The following RBFOX1 variants were observed in gnomAD, a reference collection of about 807,000 sequenced individuals.
RBFOX1 encodes RNA binding protein fox-1 homolog 1.
In RBFOX1, 8 loss-of-function variants were observed where a neutral mutation model predicts 57.7. That is an observed-to-expected ratio of 0.14 (90% confidence interval 0.08 to 0.25). The LOEUF is 0.25. RBFOX1 is among the 10% of genes least tolerant of loss of function. RBFOX1 has a pLI of 1.00. For missense variants in RBFOX1, 611 were observed against 548.5 expected (o/e 1.11, Z -1.14); for synonymous variants, 326 against 222.4 (o/e 1.47, Z -4.15).
chr16:6,977,967 C>A (rs528809367), intron 3 of RBFOX1, among the ~76,000 whole-genome samples: 1 of 128,922 alleles, frequency 7.8e-6, no homozygotes, highest in Non-Finnish European at 1.7e-5. Flanking sequence ...ACCTCCTTTC[C>A]CAATGTGGCT....
intron 4 of RBFOX1, among the ~76,000 whole-genome samples, chr16:7,266,263 C>G (rs1469646562): frequency 2.0e-5 from 3 of 152,026 alleles, no homozygotes; most frequent in African/African-American, 7.2e-5. Flanking sequence ...GTGTGAGCCA[C>G]CGTGCCCGGC....
chr16:6,631,388 C>A (rs960065676), intron 2 of RBFOX1, among the ~76,000 whole-genome samples: 2 of 151,718 alleles, frequency 1.3e-5, no homozygotes, highest in African/African-American at 2.4e-5. Flanking sequence ...TTTTAGAAAA[C>A]ACTTTTTATT....
At position 6,821,554 on chromosome 16, in the gene RBFOX1, C is replaced by G. The variant is rs185778027; in HGVS notation, c.-16+166904C>G. Among the ~76,000 whole-genome samples, 346 of 152,270 alleles carry G rather than the reference C, an allele frequency of 2.3e-3. 1 individual carries two copies. The highest frequency in any genetic ancestry group is 0.01 in the Middle Eastern group (3 of 294). ...CCTATTAATCAGATGCTTTTCATTT[C>G]TCTCTCCCCCCAACCGCTGGTAACC... On this transcript the variant is annotated intron_variant, in intron 3 of 15. Coordinates refer to ENST00000550418, the MANE Select transcript of RBFOX1 (RefSeq NM_018723.4).
intron 1 of RBFOX1, among the ~76,000 whole-genome samples, chr16:6,085,383 C>T (rs147832571): frequency 1.3e-5 from 2 of 152,316 alleles, no homozygotes; most frequent in East Asian, 3.9e-4. Context: ...AGCGATTCTC[C>T]TGCCTCAGCC....
chr16:6,953,086 A>C lies in RBFOX1; in HGVS notation c.-15-98971A>C, dbSNP rs13337823. 8.8e-3 allele frequency among the ~76,000 whole-genome samples: 1,336 copies of C among 152,302 alleles called. 20 individuals carry two copies. Among genetic ancestry groups the C allele is most frequent in the African/African-American group, 0.031 (1,280 of 41,544 alleles). ...GGTGGCGAAACCAAGCCACAAATACAAAAACAAAGAAGGCTTGAAGGTCTG... is the reference window on the plus strand; with the variant it reads ...GGTGGCGAAACCAAGCCACAAATACCAAAACAAAGAAGGCTTGAAGGTCTG... On this transcript the variant is annotated intron_variant, in intron 3 of 15. Coordinates refer to ENST00000550418, the MANE Select transcript of RBFOX1 (RefSeq NM_018723.4).
At chr16:7,419,318 G>C (rs1170657572) in intron 4 of RBFOX1, among the ~76,000 whole-genome samples, 2 of 152,112 alleles carry the variant, frequency 1.3e-5, no homozygotes, top group African/African-American at 4.8e-5. Context: ...ACTCCCCTTA[G>C]CTGGGCATCA....
At chr16:5,746,596 G>A (rs888890520) in intron 3 of RBFOX1, among the ~76,000 whole-genome samples, 27 of 152,270 alleles carry the variant, frequency 1.8e-4, no homozygotes, top group Middle Eastern at 3.4e-3. Flanking sequence ...CTATTTGTTT[G>A]TGTCCTCTTT....
intron 2 of RBFOX1, among the ~76,000 whole-genome samples, chr16:6,574,127 AGGAGATGT>A (rs2097386936): frequency 1.3e-5 from 2 of 152,162 alleles, no homozygotes; most frequent in Admixed American, 1.3e-4. Flanking sequence ...TGCACACTCA[AGGAGATGT>A]GGGTTTCCAT....
chr16:6,132,549 C>T lies in RBFOX1; in HGVS notation c.-127+112557C>T, dbSNP rs902698924. On this transcript the variant is annotated intron_variant, in intron 1 of 15. Transcript: ENST00000550418. ...TCTTTCCTGACCAGTACGGTACCTA[C>T]TGCCATAAGTTCAGTTACTCACTGG... 5.9e-5 allele frequency among the ~76,000 whole-genome samples: 9 copies of T among 152,140 alleles called. No individual in the cohort carries two copies. The South Asian group carries it at 6.2e-4, about 11-fold the overall frequency.
At position 6,899,092 on chromosome 16, in the gene RBFOX1, TG is replaced by T. The variant is rs1440972902; in HGVS notation, c.-15-152964del. ...ATTACACACATGTACACGTGTATAA[TG>T]TGTGTACATCTGTGTATACGTGTTT... On this transcript the variant is annotated intron_variant, in intron 3 of 15. Transcript: ENST00000550418. 1.1e-4 allele frequency among the ~76,000 whole-genome samples: 4 copies of T among 38,002 alleles called. No homozygotes were observed. The African/African-American group carries it at 1.6e-3, about 15-fold the overall frequency. The allele number at this position is 38,002 out of a possible 152,430, so 24.9% of individuals were successfully genotyped here. A position where few individuals can be genotyped will look rare whatever the true frequency, so the allele number is the denominator to read the frequency against.
intron 3 of RBFOX1, among the ~76,000 whole-genome samples, chr16:7,034,841 C>CTTTCTTTTTTTTTTTT (rs2043856073): frequency 5.1e-5 from 2 of 39,164 alleles, no homozygotes; most frequent in Non-Finnish European, 4.4e-5. Context: ...TTTTTTTTTT[C>CTTTCTTTTTTTTTTTT]TTTTTTCTTT....
chr16:6,129,326 C>G (rs2096612730), intron 1 of RBFOX1, among the ~76,000 whole-genome samples: 1 of 151,804 alleles, frequency 6.6e-6, no homozygotes, highest in South Asian at 2.1e-4. Context: ...AAATGGAAGT[C>G]ATAAAAAGGA....
chr16:6,020,170 C>G (rs2095040332), intron 1 of RBFOX1, among the ~76,000 whole-genome samples, 178 bp downstream of exon 1: 1 of 152,102 alleles, frequency 6.6e-6, no homozygotes, highest in South Asian at 2.1e-4. Context: ...GCGTGTCCCC[C>G]CCTACCCCCA....
intron 4 of RBFOX1, among the ~76,000 whole-genome samples, chr16:7,395,416 A>G (rs139012991): frequency 6.6e-6 from 1 of 152,356 alleles, no homozygotes; most frequent in East Asian, 1.9e-4. Flanking sequence ...TAAATGAAAC[A>G]TTAGGGTATT....
At chr16:6,335,975 A>C (rs906501360) in intron 2 of RBFOX1, among the ~76,000 whole-genome samples, 2 of 149,946 alleles carry the variant, frequency 1.3e-5, no homozygotes, top group Non-Finnish European at 3.0e-5. Context: ...TGATGGGAGA[A>C]TGAAGCCCAT....
intron 4 of RBFOX1, among the ~76,000 whole-genome samples, chr16:7,374,913 A>G (rs142158969): frequency 6.2e-4 from 94 of 152,272 alleles, no homozygotes; most frequent in African/African-American, 2.1e-3. Flanking sequence ...CAGCACTAGT[A>G]TTTCAAGACC....
At chr16:6,160,220 G>A (rs1278804051) in intron 1 of RBFOX1, among the ~76,000 whole-genome samples, 1 of 152,170 alleles carries the variant, frequency 6.6e-6, no homozygotes, top group Non-Finnish European at 1.5e-5. Context: ...TTTTAGGGAG[G>A]AAGTAGGAGG....
chr16:5,878,555 G>A (rs759616171), intron 4 of RBFOX1, among the ~76,000 whole-genome samples: 6 of 152,126 alleles, frequency 3.9e-5, no homozygotes, highest in Admixed American at 1.3e-4. Context: ...TAAAGTCTAC[G>A]TTGCTCAACG....
chr16:6,620,075 C>T (rs1379233753), intron 2 of RBFOX1, among the ~76,000 whole-genome samples: 3 of 152,128 alleles, frequency 2.0e-5, no homozygotes, highest in Non-Finnish European at 2.9e-5. Context: ...TTCCATGGTG[C>T]ATATGGACCA....
Sources: allele counts gnomAD v4.1 joint callset (sites outside exome capture counted in the v4.1 genomes callset), GRCh38; gene constraint gnomAD v4.1.1; transcripts MANE v1.5; gene names NCBI Gene and HGNC (gene_info 2026-07-23, HGNC 2026-07-21).